The following TNRC18 variants were observed in gnomAD, a reference collection of about 807,000 sequenced individuals.
TNRC18 encodes trinucleotide repeat containing 18, also known as trinucleotide repeat-containing gene 18 protein.
A neutral mutation model predicts 226.7 loss-of-function variants in TNRC18; 69 were observed. That is an observed-to-expected ratio of 0.30 (90% CI 0.25 to 0.37). The LOEUF (loss-of-function observed/expected upper bound fraction) is 0.37, where lower values mean the gene tolerates loss of function less well. TNRC18 is among the 10% of genes least tolerant of loss of function. The pLI, the probability that TNRC18 is intolerant of heterozygous loss-of-function variation, is 1.00. For synonymous variants in TNRC18, 2,449 were observed against 1,927.6 expected (o/e 1.27, Z -7.09); for missense variants, 4,754 against 4,256.6 (o/e 1.12, Z -3.25).
chr7:5,383,421 G>A (rs1779535539), intron 5 of TNRC18, among the ~76,000 whole-genome samples: 1 of 152,168 alleles, frequency 6.6e-6, no homozygotes, highest in South Asian at 2.1e-4. Context: ...TGAGAGAGAG[G>A]CGTTTATAAC....
chr7:5,387,186 C>A (rs1779853628), intron 5 of TNRC18, among the ~76,000 whole-genome samples: 1 of 152,244 alleles, frequency 6.6e-6, no homozygotes, highest in African/African-American at 2.4e-5. Context: ...CACTCAAGTA[C>A]TGAGTATCAA....
In TNRC18 at chr7:5,317,801, G is replaced by T. The variant is rs1222865387; in HGVS notation, c.6746-1729C>A. 2.0e-5 allele frequency among the ~76,000 whole-genome samples: 3 copies of T among 151,718 alleles called. No individual in the cohort carries two copies. In the South Asian group the frequency reaches 6.2e-4, roughly 32 times the overall value. ...GCTCACTGCAGCCTCGACCACCCAG[G>T]CTCAGGTGATCCTCCCACTTCGGTC... On this transcript the variant is annotated intron_variant, in intron 24 of 29. Coordinates refer to ENST00000430969, the MANE Select transcript of TNRC18 (RefSeq NM_001080495.3).
At chr7:5,398,391 A>G (rs535636248) in intron 2 of TNRC18, among the ~76,000 whole-genome samples, 1 of 152,226 alleles carries the variant, frequency 6.6e-6, no homozygotes, top group East Asian at 1.9e-4. Flanking sequence ...GCTGGTCTCG[A>G]ACTCCCAACC....
intron 19 of TNRC18, 138 bp downstream of exon 19, chr7:5,332,484 G>A (rs984487281): frequency 8.7e-6 from 8 of 914,584 alleles, no homozygotes; most frequent in Admixed American, 3.7e-5. Flanking sequence ...GTCCTAGCAG[G>A]GGCTCCGGGC....
At chr7:5,330,698 G>A (rs571741656) in intron 19 of TNRC18, among the ~76,000 whole-genome samples, 59 of 152,178 alleles carry the variant, frequency 3.9e-4, no homozygotes, top group Non-Finnish European at 7.5e-4. Context: ...TTTGGAGACA[G>A]AGTCTCACTC....
chr7:5,389,389 C>A, intron 4 of TNRC18, 53 bp from the exon 5 acceptor site: 1 of 1,225,952 alleles, frequency 8.2e-7, no homozygotes, highest in East Asian at 3.3e-5. Context: ...CCCTCCCACC[C>A]CTGCCTGGGC....
At chr7:5,318,839 C>A (rs1255848629) in intron 24 of TNRC18, among the ~76,000 whole-genome samples, 3 of 152,148 alleles carry the variant, frequency 2.0e-5, no homozygotes, top group African/African-American at 7.2e-5. Context: ...GTACCCAGCT[C>A]AGCTATCTCT....
chr7:5,309,042 C>A lies in TNRC18; in HGVS notation c.8625+90G>T. 6.7e-7 allele frequency: 1 copy of A among 1,495,318 alleles called. No homozygotes were observed. The highest frequency in any genetic ancestry group is 9.1e-7 in the Non-Finnish European group (1 of 1,097,256). The allele number at this position is 1,495,318 out of a possible 1,614,324, so 92.6% of individuals were successfully genotyped here. ...GACAGGGCTGACCCACTGGGCAGGGCTGCTGATGCTCCAGCACCCAGAACG... is the reference window on the plus strand; with the variant it reads ...GACAGGGCTGACCCACTGGGCAGGGATGCTGATGCTCCAGCACCCAGAACG... On this transcript the variant is annotated intron_variant, in intron 28 of 29. Transcript: ENST00000430969. This position sits in a 1 kb window ranked among gnomAD's most constrained non-coding sequence, Gnocchi z 5.7.
intron 21 of TNRC18, among the ~76,000 whole-genome samples, chr7:5,321,861 G>A (rs1227541920): frequency 2.0e-5 from 3 of 151,600 alleles, no homozygotes; most frequent in Non-Finnish European, 4.4e-5. Context: ...TAGTAGAGAC[G>A]GGGTTCCACC....
rs1779092306 is a variant in TNRC18, at chr7:5,377,693, G to A, written c.2256-117C>T. 19 of 1,212,116 alleles carry A rather than the reference G, an allele frequency of 1.6e-5. No homozygotes were observed. The highest frequency in any genetic ancestry group is 2.2e-5 in the Non-Finnish European group (19 of 865,988). The allele number at this position is 1,212,116 out of a possible 1,614,324, so 75.1% of individuals were successfully genotyped here. ...CAGGCCATGAGTCAGGACAACCACT[G>A]CTCGGAACTGAAGGGCCTCCCGGGG... is the stretch of plus-strand genomic sequence containing the variant. On this transcript the variant is annotated intron_variant, in intron 6 of 29. Coordinates refer to ENST00000430969, the MANE Select transcript of TNRC18 (RefSeq NM_001080495.3). This position sits in a 1 kb window ranked among gnomAD's most constrained non-coding sequence, Gnocchi z 5.8.
intron 2 of TNRC18, among the ~76,000 whole-genome samples, chr7:5,408,395 C>T (rs1033593327): frequency 1.3e-5 from 2 of 152,014 alleles, no homozygotes; most frequent in Admixed American, 1.3e-4. Flanking sequence ...CGCCTGTAAT[C>T]CCAGCACTTA....
Position 5,312,845 on chromosome 7 carries a change from G to A in TNRC18, c.8046C>T (p.Asp2682=), listed in dbSNP as rs777348317. The change falls in exon 27 of 30, where the codon GAC becomes GAT. Residue 2682 remains aspartate, a synonymous_variant. Transcript: ENST00000430969. This position sits in a 1 kb window ranked among gnomAD's most constrained non-coding sequence, Gnocchi z 6.3. The part of the protein sequence containing the change: ...TTDEDSSCSS[D]DEAAPAPTAG... ...CCGTGGGGGCGGGGGCTGCCTCATCGTCCGAGCTGCAGGAAGAGTCCTCGT... is the reference window on the plus strand; with the variant it reads ...CCGTGGGGGCGGGGGCTGCCTCATCATCCGAGCTGCAGGAAGAGTCCTCGT... 147 of 1,525,070 alleles carry A rather than the reference G, an allele frequency of 9.6e-5. No individual in the cohort carries two copies. Among genetic ancestry groups the A allele is most frequent in the Non-Finnish European group, 1.2e-4 (136 of 1,136,926 alleles). 94.5% of individuals were successfully genotyped at this position (1,525,070 alleles called of 1,614,324 possible).
rs1305693872 is a variant in TNRC18 at position 5,388,940 on chromosome 7, G to A, written c.884C>T (p.Ala295Val). Residue 295 changes from alanine to valine, a missense_variant, in exon 5 of 30, where the codon GCG becomes GTG. Coordinates refer to ENST00000430969, the MANE Select transcript of TNRC18 (RefSeq NM_001080495.3). Reference sequence around the variant, plus strand: ...CCCGCGCCCCGCTTCGGCCACCAGCGCGGGCAGCCCCACGTCCCCGGCGCC... The same window carrying A: ...CCCGCGCCCCGCTTCGGCCACCAGCACGGGCAGCCCCACGTCCCCGGCGCC... The part of the protein sequence containing the change: ...NGGAGDVGLP[A>V]LVAEAGRGGA... 9.4e-6 allele frequency: 13 copies of A among 1,384,802 alleles called. No individual in the cohort carries two copies. The highest frequency in any genetic ancestry group is 2.3e-4 in the Middle Eastern group (1 of 4,364). The allele number at this position is 1,384,802 out of a possible 1,614,324, so 85.8% of individuals were successfully genotyped here.
Position 5,394,552 on chromosome 7 carries a change from G to C in TNRC18, c.231C>G (p.Pro77=), listed in dbSNP as rs761534103. Residue 77 remains proline, a synonymous_variant, in exon 3 of 30, where the codon CCC becomes CCG. Transcript: ENST00000430969. The surrounding 1 kb of genome is among the most constrained non-coding windows in gnomAD (Gnocchi z 4.5). The stretch of plus-strand genomic sequence containing the variant: ...CTGGGCTCCCATGGGACGAGGCCGA[G>C]GGCCCCATCCCGCTGGCCACAAAGC... ...LGSFVASGMG[P]SASSHGSPVP... 3.0e-4 allele frequency: 468 copies of C among 1,550,866 alleles called. 3 individuals carry two copies. Among genetic ancestry groups the C allele is most frequent in the Non-Finnish European group, 1.2e-5 (14 of 1,149,138 alleles).
At chr7:5,325,284 G>A (rs1367554297) in intron 19 of TNRC18, 36 bp from the exon 20 acceptor site, 10 of 1,539,580 alleles carry the variant, frequency 6.5e-6, no homozygotes, top group African/African-American at 4.1e-5. Context: ...GCCATCAAAC[G>A]GCAGGGAAAG....
chr7:5,321,828 G>C (rs1300524731), intron 21 of TNRC18, among the ~76,000 whole-genome samples: 2 of 151,514 alleles, frequency 1.3e-5, no homozygotes, highest in African/African-American at 4.8e-5. Flanking sequence ...CCTGCCACCA[G>C]GCCCGGCTAA....
chr7:5,327,041 T>C (rs544608783), intron 19 of TNRC18, among the ~76,000 whole-genome samples: 21 of 152,102 alleles, frequency 1.4e-4, no homozygotes, highest in East Asian at 7.7e-4. Flanking sequence ...GGAGAATCGC[T>C]TGAACCAGGA....
chr7:5,325,665 C>G (rs1788842061), intron 19 of TNRC18: 1 of 166,302 alleles, frequency 6.0e-6, no homozygotes, highest in Non-Finnish European at 1.3e-5. Flanking sequence ...ACCTTGTGAT[C>G]TGCCCGCCTC....
intron 21 of TNRC18, among the ~76,000 whole-genome samples, chr7:5,323,364 C>G (rs1204181491): frequency 1.3e-5 from 2 of 150,126 alleles, no homozygotes; most frequent in Non-Finnish European, 3.0e-5. Flanking sequence ...CTCACCCTTC[C>G]CTTCCCCTCT....
Sources: gnomAD v4.1 joint callset for allele counts (sites outside exome capture counted in the v4.1 genomes callset) on GRCh38, gnomAD v4.1.1 for gene constraint, Gnocchi (gnomAD v3.1) non-coding constraint, MANE v1.5 for transcripts, NCBI Gene and HGNC (gene_info 2026-07-23, HGNC 2026-07-21) for gene names.